RASSF3: variants seen among roughly 807,000 people sequenced by gnomAD.
RASSF3 encodes the protein ras association domain-containing protein 3.
RASSF3 carries 19 observed loss-of-function variants against 19.9 expected under a neutral mutation model. The ratio of observed to expected loss-of-function variants is 0.96; its 90% CI spans 0.67 to 1.40. RASSF3 has a LOEUF of 1.40. RASSF3 is among the 40% of genes most tolerant of loss of function. The pLI, the probability that RASSF3 is intolerant of heterozygous loss-of-function variation, is 0.00. For missense variants in RASSF3, 306 were observed against 289.8 expected, an observed-to-expected ratio of 1.06 and a Z score of -0.41; for synonymous variants, 110 against 104.2, an observed-to-expected ratio of 1.06 and a Z score of -0.34.
intron 1 of RASSF3, among the ~76,000 whole-genome samples, chr12:64,684,007 A>T (rs61931659): frequency 4.8e-4 from 35 of 73,498 alleles, no homozygotes; most frequent in African/African-American, 8.1e-4. Flanking sequence ...AGAGAGAGAG[A>T]GAGTGAGTGT....
At chr12:64,641,310 C>T (rs1273399989) in intron 1 of RASSF3, among the ~76,000 whole-genome samples, 1 of 151,638 alleles carries the variant, frequency 6.6e-6, no homozygotes, top group Non-Finnish European at 1.5e-5. Context: ...GTGGGAGGAT[C>T]TCTTGAGCCC....
chr12:64,667,395 C>T (rs911676986), intron 1 of RASSF3, among the ~76,000 whole-genome samples: 3 of 152,078 alleles, frequency 2.0e-5, no homozygotes, highest in Non-Finnish European at 4.4e-5. Context: ...GGCGCCATCT[C>T]GGCTTACTGT....
At chr12:64,546,832 C>T (rs1025344712) in intron 2 of RASSF3, among the ~76,000 whole-genome samples, 5 of 152,132 alleles carry the variant, frequency 3.3e-5, no homozygotes, top group Non-Finnish European at 5.9e-5. Flanking sequence ...ACTGATAGAG[C>T]GATAAACTTC....
downstream of RASSF3, among the ~76,000 whole-genome samples, chr12:64,544,866 TC>T (rs931054220): frequency 6.6e-6 from 1 of 152,220 alleles, no homozygotes; most frequent in Non-Finnish European, 1.5e-5. Context: ...CACTTGTTTT[TC>T]CCTAACAAAG....
At chr12:64,677,701 A>G (rs1406383220) in intron 1 of RASSF3, among the ~76,000 whole-genome samples, 1 of 152,240 alleles carries the variant, frequency 6.6e-6, no homozygotes, top group Non-Finnish European at 1.5e-5. Flanking sequence ...GTTGAGCAGG[A>G]CATGCTCCCC....
chr12:64,556,859 A>C (rs1869264856), intron 2 of RASSF3, among the ~76,000 whole-genome samples: 1 of 130,310 alleles, frequency 7.7e-6, no homozygotes, highest in African/African-American at 3.1e-5. Context: ...TTTTTTTGAG[A>C]CAAGTCTTGC....
intron 1 of RASSF3, among the ~76,000 whole-genome samples, chr12:64,622,862 C>T (rs1870833743): frequency 6.6e-6 from 1 of 150,986 alleles, no homozygotes. Context: ...GCTCTGTTGC[C>T]CAGGCTGTAG....
chr12:64,655,981 A>G (rs1353239724), intron 1 of RASSF3, among the ~76,000 whole-genome samples: 16 of 150,986 alleles, frequency 1.1e-4, no homozygotes, highest in Non-Finnish European at 1.6e-4. Context: ...GAGCTGACAC[A>G]GTGCCACTGT....
At chr12:64,612,757 T>G (rs955455519) in intron 1 of RASSF3, among the ~76,000 whole-genome samples, 1 of 152,224 alleles carries the variant, frequency 6.6e-6, no homozygotes, top group African/African-American at 2.4e-5. Flanking sequence ...ATTACAGATG[T>G]GAGCCACCGC....
intron 2 of RASSF3, among the ~76,000 whole-genome samples, chr12:64,586,483 C>T (rs778413286): frequency 9.0e-6 from 1 of 111,270 alleles, no homozygotes; most frequent in Non-Finnish European, 1.7e-5. Flanking sequence ...GAGCAAGACT[C>T]CTTCTCAGAA....
chr12:64,572,923 C>A (rs1434246624), intron 2 of RASSF3, among the ~76,000 whole-genome samples: 1 of 152,156 alleles, frequency 6.6e-6, no homozygotes, highest in East Asian at 1.9e-4. Context: ...TTTCAAGGGA[C>A]AGTGTTTCCT....
Position 64,663,163 on chromosome 12 carries a change from C to T in RASSF3, c.112-21624C>T, listed in dbSNP as rs529996211. 2.2e-4 allele frequency among the ~76,000 whole-genome samples: 34 copies of T among 152,188 alleles called. No homozygotes were observed. The South Asian group carries it at 6.8e-3, about 31-fold the overall frequency. ...CACATAATGTTGATCTCTCTCTACC[C>T]CTCACCCTTTCATTCCCTTAGGCCA... On this transcript the variant is annotated intron_variant, in intron 1 of 4. Transcript: ENST00000542104.
chr12:64,569,693 C>T (rs957413593), intron 2 of RASSF3, among the ~76,000 whole-genome samples: 13 of 152,336 alleles, frequency 8.5e-5, no homozygotes, highest in African/African-American at 2.2e-4. Context: ...AAGCTGGGCG[C>T]AGTGGCTCAC....
At chr12:64,615,140 G>A (rs1870507877) in intron 1 of RASSF3, among the ~76,000 whole-genome samples, 1 of 152,192 alleles carries the variant, frequency 6.6e-6, no homozygotes, top group Non-Finnish European at 1.5e-5. Flanking sequence ...CAAAAATGTG[G>A]ACAGTTGTGT....
chr12:64,668,271 C>CTTCTTCTTCTTCT (rs543668924), intron 1 of RASSF3, among the ~76,000 whole-genome samples: 20 of 147,186 alleles, frequency 1.4e-4, no homozygotes, highest in East Asian at 6.0e-4. Context: ...TCTTCTTCTT[C>CTTCTTCTTCTTCT]TTTTTTTTTT....
intron 2 of RASSF3, among the ~76,000 whole-genome samples, chr12:64,553,976 C>CAAAAAAAAAAAA (rs1021865573): frequency 8.4e-5 from 7 of 83,490 alleles, no homozygotes; most frequent in African/African-American, 2.7e-4. Context: ...GATCCTGTCT[C>CAAAAAAAAAAAA]AAAAAAAAAA....
At chr12:64,667,739 C>A (rs1872573579) in intron 1 of RASSF3, among the ~76,000 whole-genome samples, 1 of 152,234 alleles carries the variant, frequency 6.6e-6, no homozygotes, top group East Asian at 1.9e-4. Flanking sequence ...AGGGTTAGAG[C>A]TGCTATGCAG....
upstream of RASSF3, among the ~76,000 whole-genome samples, chr12:64,607,361 A>C (rs775659327): frequency 3.6e-4 from 17 of 47,514 alleles, no homozygotes; most frequent in African/African-American, 1.3e-3. Flanking sequence ...TCCTTCCTTT[A>C]TTTATTTATT....
chr12:64,576,784 G>A (rs1158853103), intron 2 of RASSF3, among the ~76,000 whole-genome samples: 1 of 150,100 alleles, frequency 6.7e-6, no homozygotes, highest in Non-Finnish European at 1.5e-5. Context: ...CTGGGAGGTT[G>A]AGGCTGTAGT....
Sources: gnomAD v4.1 joint callset for allele counts (sites outside exome capture counted in the v4.1 genomes callset) on GRCh38, gnomAD v4.1.1 for gene constraint, MANE v1.5 for transcripts, NCBI Gene and HGNC (gene_info 2026-07-23, HGNC 2026-07-21) for gene names.